PCTP: variants seen among roughly 807,000 people sequenced by gnomAD.
PCTP encodes the protein START domain-containing protein 2.
PCTP carries 27 observed loss-of-function variants against 31.0 expected under a neutral mutation model. That is an observed-to-expected ratio of 0.87 (90% CI 0.64 to 1.20). The LOEUF (loss-of-function observed/expected upper bound fraction) is 1.20, where lower values mean the gene tolerates loss of function less well. Among genes scored for constraint, PCTP ranks in the 50% most tolerant of loss-of-function variants. PCTP has a pLI of 0.00. For synonymous variants in PCTP, 108 were observed against 101.2 expected, an observed-to-expected ratio of 1.07 and a Z score of -0.40; for missense variants, 287 against 268.2, an observed-to-expected ratio of 1.07 and a Z score of -0.49.
chr17:55,793,811 C>A (rs1912088891), intron 3 of PCTP, among the ~76,000 whole-genome samples: 1 of 152,052 alleles, frequency 6.6e-6, no homozygotes, highest in Admixed American at 6.6e-5. Flanking sequence ...TCCCAAGGAT[C>A]CTGTGGAGAT....
At chr17:55,788,510 G>C (rs1306697905) in intron 3 of PCTP, among the ~76,000 whole-genome samples, 1 of 152,144 alleles carries the variant, frequency 6.6e-6, no homozygotes, top group Non-Finnish European at 1.5e-5. Context: ...TTGGGCATTG[G>C]CTATTCAGAG....
At chr17:55,831,723 A>G (rs1905602148) in intron 5 of PCTP, among the ~76,000 whole-genome samples, 1 of 152,146 alleles carries the variant, frequency 6.6e-6, no homozygotes, top group East Asian at 1.9e-4. Context: ...CCTTTGCACT[A>G]GAGTCCCAGA....
chr17:55,771,301 C>A, intron 3 of PCTP, 116 bp downstream of exon 3: 1 of 785,198 alleles, frequency 1.3e-6, no homozygotes, highest in Non-Finnish European at 2.2e-6. Context: ...ATAACATTGT[C>A]TCTGATTCTT....
intron 3 of PCTP, among the ~76,000 whole-genome samples, chr17:55,817,393 C>A (rs1912959134): frequency 6.6e-6 from 1 of 152,196 alleles, no homozygotes; most frequent in Admixed American, 6.5e-5. Flanking sequence ...CTTATTTTCA[C>A]TGAGCTGGCA....
At chr17:55,766,740 A>G (rs1041807576) in intron 1 of PCTP, among the ~76,000 whole-genome samples, 26 of 152,126 alleles carry the variant, frequency 1.7e-4, no homozygotes, top group Non-Finnish European at 2.8e-4. Context: ...ATGTGTCTTT[A>G]TAGCAGCATG....
At chr17:55,782,213 T>C (rs989955817), downstream of PCTP, among the ~76,000 whole-genome samples, 2 of 152,208 alleles carry the variant, frequency 1.3e-5, no homozygotes, top group African/African-American at 4.8e-5. Context: ...GCTGACTGGA[T>C]GAGAACCTCC....
intron 2 of PCTP, among the ~76,000 whole-genome samples, chr17:55,768,694 C>T (rs915658317): frequency 1.5e-4 from 23 of 152,196 alleles, no homozygotes; most frequent in Non-Finnish European, 2.8e-4. Context: ...TCTTCTACTA[C>T]TAGGCGAACT....
At chr17:55,810,681 A>T (rs1199709288) in intron 3 of PCTP, among the ~76,000 whole-genome samples, 1 of 152,174 alleles carries the variant, frequency 6.6e-6, no homozygotes, top group Non-Finnish European at 1.5e-5. Flanking sequence ...TAGTATTTGG[A>T]AAAAAGATTT....
chr17:55,768,770 T>C (rs1041754937), intron 2 of PCTP: 2 of 152,156 alleles, frequency 1.3e-5, no homozygotes, highest in Non-Finnish European at 2.9e-5. Flanking sequence ...GTCTTAGATT[T>C]TTCCCTGTAA....
Position 55,777,016 on chromosome 17 carries a change from G to A in PCTP, c.*916G>A. On this transcript the variant is annotated 3_prime_UTR_variant, in exon 6 of 6. Transcript: ENST00000268896. ...TCCCAGAATATTTAGAAATGTAGAAGGGATAACAGTTCACAGCCAGGTAAA... is the reference window on the plus strand; with the variant it reads ...TCCCAGAATATTTAGAAATGTAGAAAGGATAACAGTTCACAGCCAGGTAAA... The A allele has an allele frequency of 1.0e-6, 1 of 985,764 alleles. No individual in the cohort carries two copies. The highest frequency in any genetic ancestry group is 1.2e-6 in the Non-Finnish European group (1 of 829,952). The allele number at this position is 985,764 out of a possible 1,614,324, so 61.1% of individuals were successfully genotyped here. A position where few individuals can be genotyped will look rare whatever the true frequency, so the allele number is the denominator to read the frequency against.
At chr17:55,796,969 G>A (rs1192584442) in intron 3 of PCTP, among the ~76,000 whole-genome samples, 1 of 151,902 alleles carries the variant, frequency 6.6e-6, no homozygotes, top group Non-Finnish European at 1.5e-5. Flanking sequence ...TAGGCAACAT[G>A]TCTCATAGTT....
intron 5 of PCTP, chr17:55,775,488 T>G: frequency 8.3e-7 from 1 of 1,210,480 alleles, no homozygotes; most frequent in Non-Finnish European, 1.0e-6. Flanking sequence ...ATCCTGGCTC[T>G]GCTACTGACT....
intron 5 of PCTP, chr17:55,775,763 A>T (rs912656139): frequency 8.7e-6 from 11 of 1,258,900 alleles, no homozygotes; most frequent in Non-Finnish European, 1.1e-5. Context: ...TTTTTTCCAG[A>T]AACACTGTTT....
At chr17:55,818,892 G>A (rs1913016622) in intron 3 of PCTP, among the ~76,000 whole-genome samples, 1 of 151,812 alleles carries the variant, frequency 6.6e-6, no homozygotes, top group South Asian at 2.1e-4. Context: ...GGGTGGCCAG[G>A]AGGGAGGAGG....
chr17:55,800,361 G>A (rs1221195373), intron 3 of PCTP, among the ~76,000 whole-genome samples: 2 of 151,612 alleles, frequency 1.3e-5, no homozygotes, highest in East Asian at 2.0e-4. Flanking sequence ...CTGCTTGATC[G>A]ATTCAGCTAT....
At chr17:55,811,122 T>C (rs1402051120) in intron 3 of PCTP, among the ~76,000 whole-genome samples, 1 of 152,212 alleles carries the variant, frequency 6.6e-6, no homozygotes, top group African/African-American at 2.4e-5. Flanking sequence ...GAATTGTTCT[T>C]AGCCACTCAG....
chr17:55,821,946 T>C (rs993371072), intron 3 of PCTP, among the ~76,000 whole-genome samples: 3 of 152,166 alleles, frequency 2.0e-5, no homozygotes, highest in African/African-American at 7.2e-5. Context: ...GCTGTGGATA[T>C]GGGGTGGCAA....
At chr17:55,768,653 T>C (rs1029779011) in intron 2 of PCTP, among the ~76,000 whole-genome samples, 5 of 152,172 alleles carry the variant, frequency 3.3e-5, no homozygotes, top group African/African-American at 9.7e-5. Flanking sequence ...ATAGAACTAG[T>C]ACTAGTAGTA....
downstream of PCTP, among the ~76,000 whole-genome samples, chr17:55,777,604 C>T (rs560752754): frequency 6.6e-6 from 1 of 152,312 alleles, no homozygotes; most frequent in African/African-American, 2.4e-5. Context: ...TCTGCATTTC[C>T]TGGTAGCATT....
Sources: gnomAD v4.1 joint callset for allele counts (sites outside exome capture counted in the v4.1 genomes callset) on GRCh38, gnomAD v4.1.1 for gene constraint, MANE v1.5 for transcripts, NCBI Gene and HGNC (gene_info 2026-07-23, HGNC 2026-07-21) for gene names.